The following FOCAD variants were observed in gnomAD, a reference collection of about 807,000 sequenced individuals.
FOCAD encodes focadhesin.
In FOCAD, 198 loss-of-function variants were observed where a neutral mutation model predicts 225.6. The observed-to-expected ratio is 0.88, with a 90% CI of 0.78 to 0.99. The LOEUF (loss-of-function observed/expected upper bound fraction) is 0.99. Among genes scored for constraint, FOCAD ranks in the 50% least tolerant of loss-of-function variants. The probability of loss-of-function intolerance (pLI) is 0.00; values close to 1 mark genes in which losing one functional copy is unlikely to be tolerated. For missense variants in FOCAD, 2,713 were observed against 2,123.6 expected (o/e 1.28, Z -5.46); for synonymous variants, 897 against 755.0 (o/e 1.19, Z -3.08).
intron 11 of FOCAD, among the ~76,000 whole-genome samples, chr9:20,793,055 A>G (rs549037593): frequency 3.7e-4 from 57 of 152,302 alleles, no homozygotes; most frequent in African/African-American, 1.3e-3. Context: ...AATTCTATGA[A>G]TTGCTACCCC....
intron 18 of FOCAD, among the ~76,000 whole-genome samples, chr9:20,869,914 T>C (rs929499537): frequency 3.3e-5 from 5 of 152,172 alleles, no homozygotes; most frequent in African/African-American, 4.8e-5. Flanking sequence ...GATTGTCATG[T>C]TGAAAGATAG....
At chr9:20,696,878 G>A (rs1287366439) in intron 1 of FOCAD, among the ~76,000 whole-genome samples, 1 of 152,048 alleles carries the variant, frequency 6.6e-6, no homozygotes, top group African/African-American at 2.4e-5. Flanking sequence ...AGAGGTGATT[G>A]TCATGAGGGT....
intron 37 of FOCAD, among the ~76,000 whole-genome samples, chr9:20,979,361 C>T (rs1416379792): frequency 6.6e-6 from 1 of 152,118 alleles, no homozygotes; most frequent in East Asian, 1.9e-4. Context: ...GTTTTTGAGA[C>T]AGTTTCTCGC....
At chr9:20,958,816 C>T (rs558306548) in intron 35 of FOCAD, among the ~76,000 whole-genome samples, 5 of 152,274 alleles carry the variant, frequency 3.3e-5, no homozygotes, top group African/African-American at 1.2e-4. Context: ...TGGCTTATTT[C>T]ACTTAACATA....
chr9:20,666,367 C>T (rs1821899653), intron 2 of FOCAD, among the ~76,000 whole-genome samples: 2 of 151,972 alleles, frequency 1.3e-5, no homozygotes, highest in African/African-American at 4.8e-5. Flanking sequence ...CTCAGAAGTT[C>T]GAGACCAACC....
chr9:20,656,291 G>T (rs1327920397), upstream of FOCAD, among the ~76,000 whole-genome samples: 1 of 151,808 alleles, frequency 6.6e-6, no homozygotes, highest in Non-Finnish European at 1.5e-5. Context: ...TGTCTATTAG[G>T]TCTGCTTGGT....
intron 25 of FOCAD, among the ~76,000 whole-genome samples, chr9:20,924,427 T>A (rs1834750773): frequency 6.6e-6 from 1 of 152,216 alleles, no homozygotes; most frequent in Non-Finnish European, 1.5e-5. Flanking sequence ...ATGGCCTATT[T>A]GTAGCAATTT....
chr9:20,917,333 T>C lies in FOCAD; in HGVS notation c.2852+396T>C, dbSNP rs149528805. ...ACTTCCTTTTGTTCCATTGGTGTTA[T>C]TGGGTTCCGCATATCTAAAAATTGA... On this transcript the variant is annotated intron_variant, in intron 24 of 43. Transcript: ENST00000338382. Among the ~76,000 whole-genome samples, 1,102 of 152,272 alleles carry C rather than the reference T, an allele frequency of 7.2e-3. 16 individuals carry two copies. Among genetic ancestry groups the C allele is most frequent in the African/African-American group, 0.023 (970 of 41,546 alleles).
At chr9:20,789,165 T>C (rs1055295989) in intron 10 of FOCAD, among the ~76,000 whole-genome samples, 186 bp from the exon 11 acceptor site, 1 of 152,234 alleles carries the variant, frequency 6.6e-6, no homozygotes, top group Non-Finnish European at 1.5e-5. Flanking sequence ...ATCTAACAAC[T>C]CTTTTCTCTT....
intron 15 of FOCAD, among the ~76,000 whole-genome samples, chr9:20,829,057 A>T (rs1476335568): frequency 6.6e-6 from 1 of 152,092 alleles, no homozygotes; most frequent in Non-Finnish European, 1.5e-5. Flanking sequence ...TTTGGGATTG[A>T]TTCCATGTCT....
At chr9:20,745,862 G>A (rs1221041387) in intron 5 of FOCAD, among the ~76,000 whole-genome samples, 5 of 152,202 alleles carry the variant, frequency 3.3e-5, no homozygotes, top group Non-Finnish European at 5.9e-5. Flanking sequence ...TAGGCCAACA[G>A]TAATGGATGA....
At chr9:20,823,693 A>G (rs1443348106) in intron 15 of FOCAD, among the ~76,000 whole-genome samples, 1 of 152,146 alleles carries the variant, frequency 6.6e-6, no homozygotes, top group Non-Finnish European at 1.5e-5. Context: ...AAGATCATTC[A>G]TTGACCTAAC....
intron 2 of FOCAD, among the ~76,000 whole-genome samples, chr9:20,663,759 C>G (rs1377571686): frequency 1.3e-5 from 2 of 152,144 alleles, no homozygotes; most frequent in African/African-American, 4.8e-5. Flanking sequence ...GAAAGACTTT[C>G]CTTTTCAGAC....
chr9:20,768,096 T>A (rs1399293775), intron 7 of FOCAD, among the ~76,000 whole-genome samples: 1 of 149,716 alleles, frequency 6.7e-6, no homozygotes, highest in Non-Finnish European at 1.5e-5. Flanking sequence ...CTTTCCCCAT[T>A]GCTTGTTTTT....
intron 15 of FOCAD, among the ~76,000 whole-genome samples, chr9:20,858,087 A>G (rs1828384252): frequency 6.6e-6 from 1 of 151,966 alleles, no homozygotes; most frequent in South Asian, 2.1e-4. Context: ...TTTTGGTATC[A>G]GGGTGATAAT....
intron 24 of FOCAD, among the ~76,000 whole-genome samples, chr9:20,918,180 T>G (rs1834030501): frequency 6.6e-6 from 1 of 152,208 alleles, no homozygotes; most frequent in African/African-American, 2.4e-5. Flanking sequence ...TCTACATATA[T>G]CCTATTAAAA....
intron 5 of FOCAD, among the ~76,000 whole-genome samples, chr9:20,745,410 T>C (rs1021728174): frequency 6.6e-6 from 1 of 152,166 alleles, no homozygotes; most frequent in African/African-American, 2.4e-5. Flanking sequence ...TTTTCTAATA[T>C]TGATCGTGCA....
intron 37 of FOCAD, among the ~76,000 whole-genome samples, chr9:20,978,831 C>T (rs111581039): frequency 1.3e-5 from 2 of 152,250 alleles, no homozygotes; most frequent in African/African-American, 4.8e-5. Context: ...ATGTACCGGA[C>T]TTATCCATGT....
intron 22 of FOCAD, among the ~76,000 whole-genome samples, chr9:20,907,811 A>G (rs546954116): frequency 2.0e-5 from 3 of 152,064 alleles, no homozygotes; most frequent in Non-Finnish European, 4.4e-5. Flanking sequence ...CTCTAGATCA[A>G]TTTATCTGGT....
Sources: gnomAD v4.1 joint callset for allele counts (sites outside exome capture counted in the v4.1 genomes callset) on GRCh38, gnomAD v4.1.1 for gene constraint, MANE v1.5 for transcripts, NCBI Gene and HGNC (gene_info 2026-07-23, HGNC 2026-07-21) for gene names.